CSTPP1: variants seen among roughly 807,000 people sequenced by gnomAD.
The protein encoded by CSTPP1 is centriolar satellite-associated tubulin polyglutamylase complex regulator 1, also known as UPF0705 protein C11orf49.
At chr11:47,141,039 C>G in the CSTPP1 span, among the ~76,000 whole-genome samples, 3 of 152,032 alleles carry the variant, frequency 2.0e-5, no homozygotes, top group African/African-American at 7.2e-5. Context: ...ACAACTATAT[C>G]CTATATTCAT....
the CSTPP1 span, among the ~76,000 whole-genome samples, chr11:46,962,917 G>A: frequency 1.3e-5 from 2 of 151,994 alleles, no homozygotes; most frequent in African/African-American, 4.8e-5. Context: ...TCACATTACT[G>A]CACTCCAGCC....
the CSTPP1 span, among the ~76,000 whole-genome samples, chr11:46,943,255 T>C: frequency 6.6e-6 from 1 of 152,246 alleles, no homozygotes; most frequent in Non-Finnish European, 1.5e-5. Context: ...TATATTGATG[T>C]ATATGAAGAT....
chr11:47,129,577 C>G, the CSTPP1 span, among the ~76,000 whole-genome samples: 4 of 152,154 alleles, frequency 2.6e-5, no homozygotes, highest in Admixed American at 6.5e-5. Context: ...TCCTCCAATC[C>G]CTAATGGCCC....
At chr11:46,944,844 C>G in the CSTPP1 span, among the ~76,000 whole-genome samples, 1 of 152,172 alleles carries the variant, frequency 6.6e-6, no homozygotes, top group Non-Finnish European at 1.5e-5. Context: ...GTACATCTCT[C>G]GCATGTCTGA....
At chr11:47,024,774 G>A in the CSTPP1 span, among the ~76,000 whole-genome samples, 1 of 151,982 alleles carries the variant, frequency 6.6e-6, no homozygotes. Context: ...AAATTTTGTG[G>A]TACCTCTTTC....
At chr11:47,076,052 A>T in the CSTPP1 span, among the ~76,000 whole-genome samples, 1 of 151,908 alleles carries the variant, frequency 6.6e-6, no homozygotes, top group Non-Finnish European at 1.5e-5. Context: ...AGATCCCCAG[A>T]TCCCTCCCCC....
chr11:47,159,502 A>C, the CSTPP1 span: 7 of 405,636 alleles, frequency 1.7e-5, no homozygotes, highest in South Asian at 1.3e-4. Flanking sequence ...AGAGCAAGAC[A>C]GTCTCAAAAA....
chr11:47,135,566 T>G, the CSTPP1 span, among the ~76,000 whole-genome samples: 9 of 152,164 alleles, frequency 5.9e-5, no homozygotes, highest in Non-Finnish European at 8.8e-5. Context: ...CCCTTGACAT[T>G]ATCTGGTCAC....
At chr11:47,097,637 G>A in the CSTPP1 span, among the ~76,000 whole-genome samples, 2 of 104,210 alleles carry the variant, frequency 1.9e-5, no homozygotes, top group African/African-American at 3.7e-5. Context: ...AGGTGGGGGG[G>A]TCGGCCCCCC....
the CSTPP1 span, among the ~76,000 whole-genome samples, chr11:47,119,152 C>A: frequency 2.6e-5 from 4 of 152,250 alleles, no homozygotes; most frequent in African/African-American, 9.6e-5. Flanking sequence ...CCTACTCAAG[C>A]CTCACCAAAG....
chr11:47,128,697 A>G, the CSTPP1 span, among the ~76,000 whole-genome samples: 3 of 152,208 alleles, frequency 2.0e-5, no homozygotes, highest in East Asian at 5.8e-4. Context: ...CTAGATTTCT[A>G]TTTTTTAAAA....
chr11:47,061,169 C>T, the CSTPP1 span, among the ~76,000 whole-genome samples: 1 of 151,910 alleles, frequency 6.6e-6, no homozygotes, highest in Non-Finnish European at 1.5e-5. Flanking sequence ...ATTCGACAAA[C>T]ATTTATGTAT....
At chr11:47,139,750 G>A in the CSTPP1 span, among the ~76,000 whole-genome samples, 3 of 152,032 alleles carry the variant, frequency 2.0e-5, no homozygotes, top group Non-Finnish European at 4.4e-5. Flanking sequence ...CTTCACTGAA[G>A]TGGGAACTGA....
chr11:47,026,776 G>T, the CSTPP1 span, among the ~76,000 whole-genome samples: 1 of 152,130 alleles, frequency 6.6e-6, no homozygotes, highest in South Asian at 2.1e-4. Flanking sequence ...TACTCGGGTG[G>T]CTGAGGCATG....
the CSTPP1 span, among the ~76,000 whole-genome samples, chr11:46,997,761 G>T: frequency 6.6e-6 from 1 of 152,128 alleles, no homozygotes; most frequent in Admixed American, 6.6e-5. Context: ...CTTTCTGTTT[G>T]TTAGTTTTCC....
At chr11:47,100,621 T>C in the CSTPP1 span, among the ~76,000 whole-genome samples, 1 of 152,200 alleles carries the variant, frequency 6.6e-6, no homozygotes, top group Admixed American at 6.5e-5. Context: ...CAAAACCCTA[T>C]TTCTACTAAA....
the CSTPP1 span, among the ~76,000 whole-genome samples, chr11:46,950,877 T>C: frequency 6.6e-6 from 1 of 152,064 alleles, no homozygotes; most frequent in African/African-American, 2.4e-5. Flanking sequence ...GCCACCCGCC[T>C]CAGCCTCCCA....
At chr11:47,147,268 T>C in the CSTPP1 span, among the ~76,000 whole-genome samples, 1 of 152,122 alleles carries the variant, frequency 6.6e-6, no homozygotes, top group Admixed American at 6.5e-5. Context: ...GGGGATTAGG[T>C]AGAGAGCAAT....
the CSTPP1 span, among the ~76,000 whole-genome samples, chr11:47,003,773 G>A: frequency 1.3e-5 from 2 of 152,240 alleles, no homozygotes; most frequent in African/African-American, 4.8e-5. Context: ...AATGAGAGAT[G>A]TTTGGGAAAA....
Sources: allele counts gnomAD v4.1 joint callset (sites outside exome capture counted in the v4.1 genomes callset), GRCh38; gene constraint gnomAD v4.1.1; transcripts MANE v1.5; gene names NCBI Gene and HGNC (gene_info 2026-07-23, HGNC 2026-07-21).